Variants in KLC1 observed in about 807,000 individuals in gnomAD.
KLC1 encodes the protein kinesin 2 60/70kDa.
Under a neutral mutation model 84.2 loss-of-function variants are expected in KLC1, and 30 were observed. That is an observed-to-expected ratio of 0.36 (90% CI 0.27 to 0.48). The LOEUF (loss-of-function observed/expected upper bound fraction) is 0.48. Among genes scored for constraint, KLC1 ranks in the 20% least tolerant of loss-of-function variants. The probability of loss-of-function intolerance (pLI) is 0.99; values close to 1 mark genes in which losing one functional copy is unlikely to be tolerated. For missense variants in KLC1, 499 were observed against 805.4 expected (o/e 0.62, Z 4.60); for synonymous variants, 289 against 293.3 (o/e 0.99, Z 0.15).
At chr14:103,638,506 T>C (rs1481417010) in intron 1 of KLC1, among the ~76,000 whole-genome samples, 1 of 151,730 alleles carries the variant, frequency 6.6e-6, no homozygotes, top group African/African-American at 2.4e-5. Flanking sequence ...CTTTTCCCTT[T>C]TTAGTGCTTG....
At chr14:103,683,820 C>G (rs1468458804) in intron 13 of KLC1, 1 of 152,212 alleles carries the variant, frequency 6.6e-6, no homozygotes, top group Non-Finnish European at 1.5e-5. Flanking sequence ...ACACTAAATT[C>G]TTACCTAGGA....
chr14:103,648,970 C>T (rs887879313), intron 1 of KLC1, among the ~76,000 whole-genome samples: 1 of 151,980 alleles, frequency 6.6e-6, no homozygotes, highest in Non-Finnish European at 1.5e-5. Flanking sequence ...AACTGTGTCT[C>T]TACTAAAAAT....
At chr14:103,644,198 G>C (rs2077713144) in intron 1 of KLC1, among the ~76,000 whole-genome samples, 2 of 127,486 alleles carry the variant, frequency 1.6e-5, no homozygotes, top group Non-Finnish European at 3.2e-5. Context: ...CTGGGCAACA[G>C]AGCGAGACTC....
At chr14:103,685,303 C>T in intron 13 of KLC1, 1 of 1,322,228 alleles carries the variant, frequency 7.6e-7, no homozygotes, top group Non-Finnish European at 9.7e-7. Context: ...ATTGCATAAT[C>T]TCCTTATATA....
At chr14:103,656,782 A>C (rs1448184304) in intron 2 of KLC1, among the ~76,000 whole-genome samples, 1 of 152,224 alleles carries the variant, frequency 6.6e-6, no homozygotes, top group Non-Finnish European at 1.5e-5. Context: ...CACCTTCTGG[A>C]GTTTCAGGTT....
At chr14:103,668,090 C>T (rs1005098493) in intron 5 of KLC1, among the ~76,000 whole-genome samples, 2 of 152,192 alleles carry the variant, frequency 1.3e-5, no homozygotes, top group African/African-American at 4.8e-5. Context: ...TGTAGCATAT[C>T]ATCTTCTTAC....
intron 13 of KLC1, chr14:103,686,159 A>C: frequency 1.0e-6 from 1 of 988,780 alleles, no homozygotes; most frequent in Non-Finnish European, 1.2e-6. Context: ...TTCTCTACTA[A>C]TCTTGAAGTG....
intron 1 of KLC1, among the ~76,000 whole-genome samples, chr14:103,642,906 C>T (rs1013430120): frequency 1.3e-5 from 2 of 151,560 alleles, no homozygotes; most frequent in Admixed American, 6.6e-5. Context: ...GTTGCTGGGA[C>T]AACAGGCGCA....
Position 103,693,407 on chromosome 14 carries a change from TC to T in KLC1, c.1848+983del. 1.6e-6 allele frequency: 2 copies of T among 1,267,544 alleles called. No homozygotes were observed. Among genetic ancestry groups the T allele is most frequent in the Non-Finnish European group, 2.1e-6 (2 of 936,262 alleles). 78.5% of individuals were successfully genotyped at this position (1,267,544 alleles called of 1,614,324 possible). A position where few individuals can be genotyped will look rare whatever the true frequency, so the allele number is the denominator to read the frequency against. ...GTTTGCCCTCCAGTTTCTTGGAGTT[TC>T]TACATGCACATTGACCCCTGGGCCT... On this transcript the variant is annotated intron_variant, in intron 15 of 16. Transcript: ENST00000334553. This position sits in a 1 kb window ranked among gnomAD's most constrained non-coding sequence, Gnocchi z 5.1.
In KLC1 at chr14:103,694,720, T is replaced by A. The variant is rs866705254; in HGVS notation, c.1848+2295T>A. Reference sequence around the variant, plus strand: ...ATCCCGTGAAAGCTCAGCTTGCCACTGTCATGTAACAGGGTGGGTGGTGGC... The same window carrying A: ...ATCCCGTGAAAGCTCAGCTTGCCACAGTCATGTAACAGGGTGGGTGGTGGC... On this transcript the variant is annotated intron_variant, in intron 15 of 16. Coordinates refer to ENST00000334553, the MANE Select transcript of KLC1 (RefSeq NM_001394837.1). The surrounding 1 kb of genome is among the most constrained non-coding windows in gnomAD (Gnocchi z 4.5). 2.0e-6 allele frequency: 2 copies of A among 985,364 alleles called. No individual in the cohort carries two copies. Among genetic ancestry groups the A allele is most frequent in the Admixed American group, 1.2e-4 (2 of 16,272 alleles). The allele number at this position is 985,364 out of a possible 1,614,324, so 61.0% of individuals were successfully genotyped here.
At chr14:103,641,893 A>G (rs2151354814) in intron 1 of KLC1, among the ~76,000 whole-genome samples, 1 of 152,016 alleles carries the variant, frequency 6.6e-6, no homozygotes, top group South Asian at 2.1e-4. Flanking sequence ...AAGTGTTGGG[A>G]TTATAGGTAT....
intron 12 of KLC1, chr14:103,679,179 C>T (rs2081160716): frequency 3.2e-6 from 2 of 634,632 alleles, no homozygotes; most frequent in South Asian, 2.0e-5. Flanking sequence ...ATCCCAGCCC[C>T]ATCACTGTTC....
intron 7 of KLC1, 111 bp from the exon 8 acceptor site, chr14:103,672,901 AGT>A (rs2066579228): frequency 2.3e-6 from 2 of 883,890 alleles, no homozygotes; most frequent in South Asian, 3.2e-5. Context: ...TAAATCTGAA[AGT>A]GTAGCACAGT....
intron 1 of KLC1, among the ~76,000 whole-genome samples, chr14:103,639,236 C>T (rs925647514): frequency 2.6e-5 from 4 of 152,060 alleles, no homozygotes; most frequent in South Asian, 4.1e-4. Flanking sequence ...GATCTTGGCT[C>T]ATTGCAGCCT....
At chr14:103,673,488 G>C in intron 9 of KLC1, 57 bp downstream of exon 9, 2 of 1,058,848 alleles carry the variant, frequency 1.9e-6, no homozygotes, top group Non-Finnish European at 2.8e-6. Flanking sequence ...TTGACTAATA[G>C]TAATATACTA....
intron 8 of KLC1, 47 bp downstream of exon 8, chr14:103,673,234 T>G: frequency 6.3e-7 from 1 of 1,577,328 alleles, no homozygotes; most frequent in Non-Finnish European, 8.6e-7. Flanking sequence ...AGTGCTTTCG[T>G]CCCAAGTCCA....
In KLC1 at chr14:103,654,770, C is replaced by T; in HGVS notation, c.206C>T (p.Ser69Leu). 1 of 1,614,174 alleles carries T rather than the reference C, an allele frequency of 6.2e-7. No individual in the cohort carries two copies. Among genetic ancestry groups the T allele is most frequent in the Non-Finnish European group, 8.5e-7 (1 of 1,180,026 alleles). Residue 69 changes from serine to leucine, a missense_variant, in exon 2 of 17, where the codon TCA (serine) becomes TTA (leucine). Around this residue, in one of 3 missense-constraint regions of KLC1, gnomAD observed 179 missense variants for 264.2 expected, o/e 0.68. Coordinates refer to ENST00000334553, the MANE Select transcript of KLC1 (RefSeq NM_001394837.1). ...GAAAGTAATTTGGTGGAGGAGAAAT[C>T]AAACATGATCCGGAAGTCACTGGAG... ...DDESNLVEEK[S>L]NMIRKSLEML...
At chr14:103,646,829 C>T (rs1484491358) in intron 1 of KLC1, among the ~76,000 whole-genome samples, 1 of 151,972 alleles carries the variant, frequency 6.6e-6, no homozygotes, top group Non-Finnish European at 1.5e-5. Flanking sequence ...CTAGGCTGGT[C>T]TTGAATTCCT....
Position 103,654,595 on chromosome 14 carries a change from A to G in KLC1, c.31A>G (p.Ile11Val), listed in dbSNP as rs752201742. Residue 11 changes from isoleucine to valine, a missense_variant, in exon 2 of 17, where the codon ATA (isoleucine) becomes GTA (valine). Transcript: ENST00000334553. MYDNMSTMVYIKEDKLEKLTQ... is the reference protein window; with the variant it reads MYDNMSTMVYVKEDKLEKLTQ... ...TGACAACATGTCCACAATGGTGTAC[A>G]TAAAGGAAGACAAGTTGGAGAAGCT... 3.1e-6 allele frequency: 5 copies of G among 1,613,876 alleles called. No homozygotes were observed. The highest frequency in any genetic ancestry group is 2.2e-5 in the South Asian group (2 of 91,078).
Sources: allele counts gnomAD v4.1 joint callset (sites outside exome capture counted in the v4.1 genomes callset), GRCh38; gene constraint gnomAD v4.1.1; regional missense constraint gnomAD v4.1.1; non-coding constraint Gnocchi (gnomAD v3.1); transcripts MANE v1.5; gene names NCBI Gene and HGNC (gene_info 2026-07-23, HGNC 2026-07-21).